IBTK: variants seen among roughly 807,000 people sequenced by gnomAD.
IBTK encodes the protein BTK-binding protein.
Under a neutral mutation model 154.9 loss-of-function variants are expected in IBTK, and 83 were observed. That is an observed-to-expected ratio of 0.54 (90% CI 0.45 to 0.64). IBTK has a LOEUF of 0.64. Ranked by LOEUF, IBTK falls within the 30% of genes least tolerant of loss-of-function variation. The pLI is 0.00. For missense variants in IBTK, 1,332 were observed against 1,584.6 expected (o/e 0.84, Z 2.71); for synonymous variants, 515 against 536.1 (o/e 0.96, Z 0.54).
chr6:82,237,545 A>G (rs1770763252), intron 2 of IBTK, among the ~76,000 whole-genome samples: 1 of 128,588 alleles, frequency 7.8e-6, no homozygotes. Context: ...ACTAAGTAGT[A>G]GTAGTAGCAG....
At chr6:82,203,776 T>C (rs1769299951) in intron 17 of IBTK, among the ~76,000 whole-genome samples, 1 of 152,174 alleles carries the variant, frequency 6.6e-6, no homozygotes, top group Non-Finnish European at 1.5e-5. Context: ...CTTATATGTA[T>C]GTCTTATACC....
chr6:82,207,745 T>C (rs931565983), intron 16 of IBTK, among the ~76,000 whole-genome samples: 6 of 152,162 alleles, frequency 3.9e-5, no homozygotes, highest in South Asian at 2.1e-4. Flanking sequence ...TTCAGTGAAA[T>C]AGAACTGAAG....
rs1369738944 is a variant in IBTK at position 82,224,357 on chromosome 6, C to T, written c.826-172G>A. Among the ~76,000 whole-genome samples, 5 of 152,294 alleles carry T rather than the reference C, an allele frequency of 3.3e-5. 1 individual carries two copies. In the South Asian group the frequency reaches 6.2e-4, roughly 19 times the overall value. On this transcript the variant is annotated intron_variant, in intron 6 of 28. Coordinates refer to ENST00000306270, the MANE Select transcript of IBTK (RefSeq NM_015525.4). Reference sequence around the variant, plus strand: ...CAGCACTCATACTAAGACCTGAATCCTTCTCGGAACACAAAACATTGTGAT... The same window carrying T: ...CAGCACTCATACTAAGACCTGAATCTTTCTCGGAACACAAAACATTGTGAT...
chr6:82,182,463 G>A (rs942271487), intron 25 of IBTK, among the ~76,000 whole-genome samples: 10 of 151,702 alleles, frequency 6.6e-5, no homozygotes, highest in Non-Finnish European at 1.3e-4. Flanking sequence ...TTTTGAATCT[G>A]AAAAACAAAA....
chr6:82,194,617 C>G lies in IBTK; in HGVS notation c.3200G>C (p.Gly1067Ala). 6.3e-7 allele frequency: 1 copy of G among 1,593,480 alleles called. No individual in the cohort carries two copies. Among genetic ancestry groups the G allele is most frequent in the Non-Finnish European group, 8.5e-7 (1 of 1,170,988 alleles). ...TTCCCTAGAATACACAGGAGATGTA[C>G]CATTAACATACGGTTTGACTTTCGC... ...IEAKVKPYVN[G>A]TSPVYSREDL... The change falls in exon 23 of 29, where the codon GGT becomes GCT. Residue 1067 changes from glycine to alanine, a missense_variant. By Grantham distance (60) the Gly-to-Ala change is moderately conservative. Transcript: ENST00000306270.
rs186585739 is a variant in IBTK at position 82,213,705 on chromosome 6, G to C, written c.2204+522C>G. Among the ~76,000 whole-genome samples the C allele has an allele frequency of 3.3e-3, 499 of 152,186 alleles. 1 individual carries two copies. The highest frequency in any genetic ancestry group is 4.4e-3 in the Non-Finnish European group (300 of 68,006). Reference sequence around the variant, plus strand: ...ACATTGCCTGCCACTCCAGATCCCTGTTACATACACAAACCAGAGTTCAAA... The same window carrying C: ...ACATTGCCTGCCACTCCAGATCCCTCTTACATACACAAACCAGAGTTCAAA... On this transcript the variant is annotated intron_variant, in intron 12 of 28. Coordinates refer to ENST00000306270, the MANE Select transcript of IBTK (RefSeq NM_015525.4).
chr6:82,231,654 G>T, intron 4 of IBTK, 64 bp downstream of exon 4: 2 of 1,281,998 alleles, frequency 1.6e-6, no homozygotes, highest in South Asian at 1.6e-5. Flanking sequence ...ATGAAAAGCT[G>T]AACAATCAAA....
At chr6:82,235,590 G>A (rs185258729) in intron 2 of IBTK, among the ~76,000 whole-genome samples, 48 of 151,686 alleles carry the variant, frequency 3.2e-4, no homozygotes, top group African/African-American at 1.0e-3. Context: ...GTGAAACTCC[G>A]TCTCAAAAAA....
intron 3 of IBTK, 97 bp from the exon 4 acceptor site, chr6:82,231,939 CTGAA>C: frequency 4.8e-6 from 3 of 622,686 alleles, no homozygotes; most frequent in Non-Finnish European, 7.9e-6. Context: ...ACGCTCTTCT[CTGAA>C]TGAATATATT....
intron 12 of IBTK, among the ~76,000 whole-genome samples, chr6:82,213,932 G>C (rs1029148696): frequency 6.8e-6 from 1 of 147,704 alleles, no homozygotes; most frequent in African/African-American, 2.5e-5. Context: ...GGAAAGAAAA[G>C]CAAAGCAAGG....
intron 21 of IBTK, among the ~76,000 whole-genome samples, chr6:82,197,564 C>T (rs989421651): frequency 2.0e-5 from 3 of 151,820 alleles, no homozygotes; most frequent in Non-Finnish European, 2.9e-5. Context: ...CTAGAGACAG[C>T]GTTTCACCAT....
At chr6:82,244,346 A>C (rs1188134204) in intron 1 of IBTK, among the ~76,000 whole-genome samples, 1 of 152,146 alleles carries the variant, frequency 6.6e-6, no homozygotes, top group African/African-American at 2.4e-5. Flanking sequence ...CCAAATTACC[A>C]AACACTTTTA....
intron 26 of IBTK, among the ~76,000 whole-genome samples, chr6:82,179,792 C>G (rs1768243643): frequency 6.6e-6 from 1 of 151,998 alleles, no homozygotes; most frequent in Non-Finnish European, 1.5e-5. Context: ...GAAAGTGTGC[C>G]CAGACCACAT....
chr6:82,215,522 C>A lies in IBTK; in HGVS notation c.1601+554G>T, dbSNP rs532364401. 5.9e-5 allele frequency among the ~76,000 whole-genome samples: 9 copies of A among 152,210 alleles called. No homozygotes were observed. In the South Asian group the frequency reaches 1.9e-3, roughly 32 times the overall value. On this transcript the variant is annotated intron_variant, in intron 11 of 28. Transcript: ENST00000306270. Reference sequence around the variant, plus strand: ...ACAAATAAGGCAGGGTGCGGTGGCTCATGCCTGTAATCCTAGCACTTTGGG... The same window carrying A: ...ACAAATAAGGCAGGGTGCGGTGGCTAATGCCTGTAATCCTAGCACTTTGGG...
In IBTK at chr6:82,240,394, G is replaced by A; in HGVS notation, c.93C>T (p.Asn31=). ...VLSVVTKGSE[N]QIKAFLSSHC... The stretch of plus-strand genomic sequence containing the variant: ...GACTGGAGAGAAAGGCCTTAATCTG[G>A]TTTTCGCTCCCCTTTGTTACCACAG... The change falls in exon 2 of 29, where the codon AAC becomes AAT. Residue 31 remains asparagine (N), a synonymous_variant. Transcript: ENST00000306270. 1 of 1,614,128 alleles carries A rather than the reference G, an allele frequency of 6.2e-7. No individual in the cohort carries two copies. The highest frequency in any genetic ancestry group is 1.1e-5 in the South Asian group (1 of 91,086).
chr6:82,194,436 CATTTCTCA>C (rs1768903146), intron 23 of IBTK, 35 bp downstream of exon 23: 1 of 1,230,286 alleles, frequency 8.1e-7, no homozygotes, highest in African/African-American at 1.6e-5. Flanking sequence ...AAATGAATGA[CATTTCTCA>C]AACTAACAGT....
intron 25 of IBTK, among the ~76,000 whole-genome samples, chr6:82,185,693 T>C (rs1022161495): frequency 4.6e-5 from 7 of 151,994 alleles, no homozygotes; most frequent in African/African-American, 7.2e-5. Context: ...TATGTGGCTA[T>C]CTCATAATTT....
chr6:82,176,058 C>CA (rs1007101903), intron 26 of IBTK, among the ~76,000 whole-genome samples: 26 of 151,580 alleles, frequency 1.7e-4, no homozygotes, highest in African/African-American at 6.3e-4. Context: ...TTGTTCAAAC[C>CA]AAAAAACATT....
At chr6:82,203,120 GGT>G (rs1234050446) in intron 17 of IBTK, among the ~76,000 whole-genome samples, 1 of 151,646 alleles carries the variant, frequency 6.6e-6, no homozygotes, top group African/African-American at 2.4e-5. Flanking sequence ...AATTCATGTG[GGT>G]GTATATATAT....
Sources: allele counts gnomAD v4.1 joint callset (sites outside exome capture counted in the v4.1 genomes callset), GRCh38; gene constraint gnomAD v4.1.1; transcripts MANE v1.5; gene names NCBI Gene and HGNC (gene_info 2026-07-23, HGNC 2026-07-21).